Variants in NLGN1 observed in about 807,000 individuals in gnomAD.
NLGN1 encodes the protein neuroligin-1.
In NLGN1, 12 loss-of-function variants were observed where a neutral mutation model predicts 65.5. The observed-to-expected ratio is 0.18, with a 90% CI of 0.12 to 0.30. NLGN1 has a LOEUF of 0.30. Among genes scored for constraint, NLGN1 ranks in the 10% least tolerant of loss-of-function variants. NLGN1 has a pLI of 1.00. For missense variants in NLGN1, 750 were observed against 1,007.1 expected, an observed-to-expected ratio of 0.74 and a Z score of 3.46; for synonymous variants, 350 against 359.5, an observed-to-expected ratio of 0.97 and a Z score of 0.30.
chr3:173,813,067 G>A (rs981922613), intron 4 of NLGN1, among the ~76,000 whole-genome samples: 3 of 151,620 alleles, frequency 2.0e-5, no homozygotes, highest in African/African-American at 7.3e-5. Context: ...GAAAAGTAAG[G>A]AAAGGTAGAA....
intron 4 of NLGN1, among the ~76,000 whole-genome samples, chr3:174,211,275 C>A (rs1338453164): frequency 1.3e-5 from 2 of 152,164 alleles, no homozygotes; most frequent in Admixed American, 6.5e-5. Flanking sequence ...TCTTATCTGG[C>A]CCCACCCACA....
At chr3:173,485,334 C>T (rs997348470) in intron 2 of NLGN1, among the ~76,000 whole-genome samples, 5 of 152,042 alleles carry the variant, frequency 3.3e-5, no homozygotes, top group African/African-American at 4.8e-5. Context: ...GCCATATACA[C>T]ATAACACAGA....
chr3:173,546,119 C>G (rs1023062799), intron 2 of NLGN1, among the ~76,000 whole-genome samples: 1 of 151,970 alleles, frequency 6.6e-6, no homozygotes, highest in Admixed American at 6.6e-5. Flanking sequence ...TGGTATTGAT[C>G]AAAGATATGA....
In NLGN1 at chr3:173,748,328, T is replaced by C. The variant is rs1386526144; in HGVS notation, c.494-59352T>C. 5.3e-5 allele frequency among the ~76,000 whole-genome samples: 8 copies of C among 152,084 alleles called. No homozygotes were observed. The East Asian group carries it at 1.5e-3, about 29-fold the overall frequency. On this transcript the variant is annotated intron_variant, in intron 3 of 6. Transcript: ENST00000457714. ...GTTTGTACAGGCAGAACATTACATC[T>C]GAACACATAGGGGCAGAGGAAGTTG... is the stretch of plus-strand genomic sequence containing the variant.
At chr3:173,601,051 C>G (rs761624418) in intron 2 of NLGN1, among the ~76,000 whole-genome samples, 5 of 151,846 alleles carry the variant, frequency 3.3e-5, no homozygotes, top group Non-Finnish European at 7.4e-5. Context: ...GTTAGTGGGA[C>G]TATACATGCT....
intron 4 of NLGN1, among the ~76,000 whole-genome samples, chr3:173,909,038 A>G (rs892976431): frequency 6.6e-6 from 1 of 152,150 alleles, no homozygotes; most frequent in Non-Finnish European, 1.5e-5. Context: ...TGAGGTGGAA[A>G]AATGGATCAT....
intron 4 of NLGN1, among the ~76,000 whole-genome samples, chr3:173,932,395 A>T (rs1024750621): frequency 3.9e-5 from 6 of 152,052 alleles, no homozygotes; most frequent in African/African-American, 1.2e-4. Flanking sequence ...AAATGTTCTG[A>T]TATGATTAAT....
intron 3 of NLGN1, among the ~76,000 whole-genome samples, chr3:173,694,011 A>G (rs1366787747): frequency 6.6e-6 from 1 of 152,094 alleles, no homozygotes; most frequent in Non-Finnish European, 1.5e-5. Flanking sequence ...AGGAAAGTAT[A>G]AGAAAATAAT....
chr3:174,051,666 A>G (rs1311054883), intron 4 of NLGN1, among the ~76,000 whole-genome samples: 1 of 152,084 alleles, frequency 6.6e-6, no homozygotes, highest in Non-Finnish European at 1.5e-5. Context: ...TAATTATGGT[A>G]CTTAGGGCTA....
chr3:174,225,665 A>G (rs571411446), intron 4 of NLGN1, among the ~76,000 whole-genome samples: 39 of 151,902 alleles, frequency 2.6e-4, no homozygotes, highest in African/African-American at 9.2e-4. Context: ...CGGGAGGCGG[A>G]GCTTGCAGTG....
chr3:173,781,129 A>C (rs1352529618), intron 3 of NLGN1, among the ~76,000 whole-genome samples: 1 of 92,206 alleles, frequency 1.1e-5, no homozygotes, highest in African/African-American at 4.5e-5. Context: ...TGGGCTACAG[A>C]GCGAGACTCC....
intron 2 of NLGN1, among the ~76,000 whole-genome samples, chr3:173,531,564 T>C (rs1229326178): frequency 1.3e-5 from 2 of 148,152 alleles, no homozygotes; most frequent in Non-Finnish European, 1.5e-5. Context: ...CTGTGTGAAA[T>C]ACACACACAC....
chr3:174,017,969 G>A (rs908303087), intron 4 of NLGN1, among the ~76,000 whole-genome samples: 1 of 152,098 alleles, frequency 6.6e-6, no homozygotes, highest in Non-Finnish European at 1.5e-5. Flanking sequence ...TAATAGGCCT[G>A]GGAGTGCTAC....
intron 2 of NLGN1, among the ~76,000 whole-genome samples, chr3:173,539,876 TTA>T (rs80161831): frequency 0.37 from 52,475 of 140,808 alleles, 10,655 homozygotes; most frequent in East Asian, 0.8. Flanking sequence ...TATATATATC[TTA>T]TATATATGTT....
intron 2 of NLGN1, among the ~76,000 whole-genome samples, chr3:173,446,758 A>G (rs1319704386): frequency 6.6e-6 from 1 of 152,192 alleles, no homozygotes; most frequent in African/African-American, 2.4e-5. Flanking sequence ...TTGCCATTCT[A>G]ACTGGTGTGA....
intron 5 of NLGN1, among the ~76,000 whole-genome samples, chr3:174,277,422 A>T (rs765227910): frequency 6.6e-6 from 1 of 151,936 alleles, no homozygotes; most frequent in Non-Finnish European, 1.5e-5. Flanking sequence ...ATTGGACATG[A>T]TGTGCCTTTC....
intron 4 of NLGN1, among the ~76,000 whole-genome samples, chr3:174,147,819 A>C (rs7649704): frequency 3.3e-5 from 5 of 152,100 alleles, no homozygotes; most frequent in African/African-American, 1.2e-4. Context: ...ATTATTGTGA[A>C]TAAGAGTTTC....
intron 3 of NLGN1, among the ~76,000 whole-genome samples, chr3:173,772,364 TC>T (rs1779712062): frequency 6.6e-6 from 1 of 152,130 alleles, no homozygotes; most frequent in African/African-American, 2.4e-5. Flanking sequence ...ACTCCTGCAA[TC>T]CCAGCACTTC....
At chr3:174,219,779 A>C (rs147188719) in intron 4 of NLGN1, among the ~76,000 whole-genome samples, 1 of 152,274 alleles carries the variant, frequency 6.6e-6, no homozygotes, top group Admixed American at 6.5e-5. Context: ...CACTAGTCAG[A>C]GCTGAAAGCA....
Sources: allele counts gnomAD v4.1 joint callset (sites outside exome capture counted in the v4.1 genomes callset), GRCh38; gene constraint gnomAD v4.1.1; transcripts MANE v1.5; gene names NCBI Gene and HGNC (gene_info 2026-07-23, HGNC 2026-07-21).